Variants in FCHSD2 observed in about 807,000 individuals in gnomAD.
The protein encoded by FCHSD2 is FCH and double SH3 domains 2.
In FCHSD2, 38 loss-of-function variants were observed where a neutral mutation model predicts 108.1. That is an observed-to-expected ratio of 0.35 (90% confidence interval 0.27 to 0.46). FCHSD2 has a LOEUF of 0.46. Among genes scored for constraint, FCHSD2 ranks in the 20% least tolerant of loss-of-function variants. The probability of loss-of-function intolerance (pLI) is 1.00; values close to 1 mark genes in which losing one functional copy is unlikely to be tolerated. For synonymous variants in FCHSD2, 279 were observed against 314.7 expected, an observed-to-expected ratio of 0.89 and a Z score of 1.20; for missense variants, 751 against 897.8, an observed-to-expected ratio of 0.84 and a Z score of 2.09.
At chr11:72,924,874 A>C (rs1856046763) in intron 8 of FCHSD2, among the ~76,000 whole-genome samples, 1 of 152,120 alleles carries the variant, frequency 6.6e-6, no homozygotes, top group Admixed American at 6.5e-5. Flanking sequence ...AGTCTGAATA[A>C]ATTTCCTGTA....
At chr11:73,074,017 T>C (rs1250151384) in intron 3 of FCHSD2, among the ~76,000 whole-genome samples, 2 of 152,122 alleles carry the variant, frequency 1.3e-5, no homozygotes, top group East Asian at 3.8e-4. Flanking sequence ...AATAATAGTA[T>C]AAGATCTTAA....
At chr11:72,842,242 G>A (rs925261956) in intron 17 of FCHSD2, among the ~76,000 whole-genome samples, 1 of 152,218 alleles carries the variant, frequency 6.6e-6, no homozygotes, top group Non-Finnish European at 1.5e-5. Flanking sequence ...AGGAGGCTCT[G>A]ACAGTGAGGG....
intron 8 of FCHSD2, among the ~76,000 whole-genome samples, chr11:72,925,258 A>G (rs543288498): frequency 6.6e-6 from 1 of 152,300 alleles, no homozygotes; most frequent in Non-Finnish European, 1.5e-5. Flanking sequence ...CATAATCAGG[A>G]TCATTTCTGA....
At chr11:73,121,624 G>C (rs1232409555) in intron 2 of FCHSD2, among the ~76,000 whole-genome samples, 1 of 150,300 alleles carries the variant, frequency 6.7e-6, no homozygotes, top group Non-Finnish European at 1.5e-5. Context: ...AGACAATAAA[G>C]TCTTAACAAA....
chr11:72,990,385 A>G (rs933594785), intron 5 of FCHSD2, among the ~76,000 whole-genome samples: 2 of 152,204 alleles, frequency 1.3e-5, no homozygotes, highest in African/African-American at 4.8e-5. Context: ...CCTCCACCCC[A>G]AATCAACAGA....
Position 72,869,430 on chromosome 11 carries a change from G to C in FCHSD2, c.1147-1404C>G, listed in dbSNP as rs139673303. 6.0e-3 allele frequency: 914 copies of C among 151,854 alleles called. 13 individuals are homozygous for C. The highest frequency in any genetic ancestry group is 0.021 in the African/African-American group (862 of 41,350). The allele number at this position is 151,854 out of a possible 1,614,324, so 9.4% of individuals were successfully genotyped here. A position where few individuals can be genotyped will look rare whatever the true frequency, so the allele number is the denominator to read the frequency against. ...AGTGAAGAAGGGAAAGAGAGGGTTG[G>C]GGGGAGGGAAGAAGAGAGAGAGAGA... is the stretch of plus-strand genomic sequence containing the variant. On this transcript the variant is annotated intron_variant, in intron 12 of 19. Transcript: ENST00000409418.
intron 9 of FCHSD2, among the ~76,000 whole-genome samples, chr11:72,912,245 GT>G (rs1855779916): frequency 6.6e-6 from 1 of 152,126 alleles, no homozygotes; most frequent in Non-Finnish European, 1.5e-5. Context: ...AACGCATTCA[GT>G]TTTTCTCCAT....
chr11:73,010,675 T>C (rs1857843431), intron 4 of FCHSD2, among the ~76,000 whole-genome samples: 1 of 152,230 alleles, frequency 6.6e-6, no homozygotes, highest in Non-Finnish European at 1.5e-5. Flanking sequence ...GTGTTTGTAA[T>C]TTATTCAGTG....
chr11:72,895,907 T>A (rs1345771483), intron 10 of FCHSD2, among the ~76,000 whole-genome samples: 17 of 152,162 alleles, frequency 1.1e-4, no homozygotes. Context: ...CAACGCTATA[T>A]GCAATACAAA....
At chr11:73,093,168 GA>G (rs751443940) in intron 2 of FCHSD2, among the ~76,000 whole-genome samples, 2 of 152,336 alleles carry the variant, frequency 1.3e-5, no homozygotes, top group Non-Finnish European at 2.9e-5. Context: ...CATCATTGCA[GA>G]AGAAGTGAAC....
chr11:73,075,058 T>C (rs985222474), intron 3 of FCHSD2, among the ~76,000 whole-genome samples: 36 of 152,302 alleles, frequency 2.4e-4, no homozygotes, highest in Admixed American at 2.2e-3. Flanking sequence ...AAAGTTCCTC[T>C]AATTCATTAA....
At chr11:72,996,892 C>T (rs1055625440) in intron 5 of FCHSD2, among the ~76,000 whole-genome samples, 1 of 152,214 alleles carries the variant, frequency 6.6e-6, no homozygotes, top group African/African-American at 2.4e-5. Context: ...TTAAATTCAA[C>T]TTAATGTTTT....
intron 12 of FCHSD2, among the ~76,000 whole-genome samples, chr11:72,869,379 A>G (rs984197956): frequency 1.3e-5 from 2 of 151,586 alleles, no homozygotes; most frequent in African/African-American, 2.4e-5. Context: ...GAAGCAGGGC[A>G]AGAGAAGGGG....
chr11:72,837,260 T>C lies in FCHSD2; in HGVS notation c.*1531A>G, dbSNP rs947912299. On this transcript the variant is annotated 3_prime_UTR_variant, in exon 20 of 20. Coordinates refer to ENST00000409418, the MANE Select transcript of FCHSD2 (RefSeq NM_014824.3). The stretch of plus-strand genomic sequence containing the variant: ...AACAACGAAAAAAAACCCCAAATCA[T>C]GGAGAAGATTCATTAATGGGTATTG... 6.6e-6 allele frequency: 1 copy of C among 152,422 alleles called. No homozygotes were observed. The allele number at this position is 152,422 out of a possible 1,614,324, so 9.4% of individuals were successfully genotyped here. A position where few individuals can be genotyped will look rare whatever the true frequency, so the allele number is the denominator to read the frequency against.
At chr11:73,096,090 C>T (rs965856016) in intron 2 of FCHSD2, among the ~76,000 whole-genome samples, 5 of 151,386 alleles carry the variant, frequency 3.3e-5, no homozygotes, top group African/African-American at 9.7e-5. Flanking sequence ...GAAGAAGGAA[C>T]GAGGTATCTA....
intron 8 of FCHSD2, among the ~76,000 whole-genome samples, chr11:72,959,912 A>G (rs967323715): frequency 2.0e-5 from 3 of 150,950 alleles, no homozygotes; most frequent in African/African-American, 7.3e-5. Flanking sequence ...TACCTCAGAT[A>G]TTTCAATGCA....
At chr11:72,845,653 C>G (rs1355977377) in intron 14 of FCHSD2, among the ~76,000 whole-genome samples, 1 of 152,100 alleles carries the variant, frequency 6.6e-6, no homozygotes, top group African/African-American at 2.4e-5. Context: ...CTGTGGGCCT[C>G]TTGACGCTTT....
chr11:72,986,472 G>T (rs989347118), intron 6 of FCHSD2, among the ~76,000 whole-genome samples: 1 of 152,222 alleles, frequency 6.6e-6, no homozygotes, highest in Non-Finnish European at 1.5e-5. Context: ...GCCTCCCAAA[G>T]TGCTGGGATT....
At position 72,889,924 on chromosome 11, in the gene FCHSD2, T is replaced by C; in HGVS notation, c.946A>G (p.Thr316Ala). The C allele has an allele frequency of 1.9e-6, 3 of 1,612,032 alleles. No individual in the cohort carries two copies. The highest frequency in any genetic ancestry group is 2.5e-6 in the Non-Finnish European group (3 of 1,178,162). ...SDTSRQLESETGTTEEHSLNK... is the reference protein window; with the variant it reads ...SDTSRQLESEAGTTEEHSLNK... ...AGACTGTGCTCCTCTGTGGTCCCAG[T>C]TTCTGATTCTAACTGTCGGCTCTAC... Residue 316 changes from threonine (T) to alanine (A), a missense_variant, in exon 11 of 20, where the codon ACT becomes GCT. Transcript: ENST00000409418.
Sources: allele counts gnomAD v4.1 joint callset (sites outside exome capture counted in the v4.1 genomes callset), GRCh38; gene constraint gnomAD v4.1.1; transcripts MANE v1.5; gene names NCBI Gene and HGNC (gene_info 2026-07-23, HGNC 2026-07-21).